VKORC1: variants seen among roughly 807,000 people sequenced by gnomAD.
The protein encoded by VKORC1 is phylloquinone epoxide reductase.
A neutral mutation model predicts 14.8 loss-of-function variants in VKORC1; 12 were observed. The ratio of observed to expected loss-of-function variants is 0.81; its 90% CI spans 0.52 to 1.31. The LOEUF is 1.31. Ranked by LOEUF, VKORC1 falls within the 50% of genes most tolerant of loss-of-function variation. The pLI is 0.00. For missense variants in VKORC1, 223 were observed against 215.3 expected (o/e 1.04, Z -0.22); for synonymous variants, 94 against 92.5 (o/e 1.02, Z -0.09).
In VKORC1 at chr16:31,093,578, G is replaced by A. The variant is rs1168282772; in HGVS notation, c.174-157C>T. 12 of 1,520,398 alleles carry A rather than the reference G, an allele frequency of 7.9e-6. No homozygotes were observed. In the African/African-American group the frequency reaches 9.6e-5, roughly 12 times the overall value. The allele number at this position is 1,520,398 out of a possible 1,614,324, so 94.2% of individuals were successfully genotyped here. The stretch of plus-strand genomic sequence containing the variant: ...CAAGGGTCGATGATCTCCTGGCACC[G>A]GGCACCTTTGGCCACGTCAGGATTC... On this transcript the variant is annotated intron_variant, in intron 1 of 2. Coordinates refer to ENST00000394975, the MANE Select transcript of VKORC1 (RefSeq NM_024006.6).
At chr16:31,092,050 C>T (rs939011453) in intron 2 of VKORC1, among the ~76,000 whole-genome samples, 9 of 151,674 alleles carry the variant, frequency 5.9e-5, no homozygotes, top group Admixed American at 3.9e-4. Context: ...TGGTGACACG[C>T]GCCTGTAGTC....
At chr16:31,093,696 T>C (rs2057305714) in intron 1 of VKORC1, 2 of 304,600 alleles carry the variant, frequency 6.6e-6, no homozygotes, top group African/African-American at 3.1e-5. Flanking sequence ...CTTAAGTAAG[T>C]CTCTTTTTTT....
intron 1 of VKORC1, chr16:31,094,128 A>T (rs1311659426): frequency 6.6e-7 from 1 of 1,521,148 alleles, no homozygotes; most frequent in Non-Finnish European, 8.8e-7. Flanking sequence ...CTGGCCACTC[A>T]CTCGCCTCCT....
At chr16:31,092,761 TTGG>T in intron 2 of VKORC1, 2 of 1,279,666 alleles carry the variant, frequency 1.6e-6, no homozygotes, top group Non-Finnish European at 2.0e-6. Flanking sequence ...AACTGGGGTG[TTGG>T]TGGGGCATGG....
intron 2 of VKORC1, among the ~76,000 whole-genome samples, chr16:31,092,075 G>A (rs2057293512): frequency 6.6e-6 from 1 of 151,036 alleles, no homozygotes. Flanking sequence ...CTACTCAGGA[G>A]GCTGAGGCAG....
chr16:31,092,072 G>A (rs1466209004), intron 2 of VKORC1, among the ~76,000 whole-genome samples: 1 of 151,392 alleles, frequency 6.6e-6, no homozygotes, highest in Non-Finnish European at 1.5e-5. Context: ...CAGCTACTCA[G>A]GAGGCTGAGG....
chr16:31,092,892 A>C, intron 2 of VKORC1: 1 of 681,076 alleles, frequency 1.5e-6, no homozygotes, highest in Non-Finnish European at 2.1e-6. Flanking sequence ...AAAAACAAAA[A>C]TTAGCTGGGC....
chr16:31,093,070 A>G (rs2057300198), intron 2 of VKORC1, among the ~76,000 whole-genome samples: 1 of 151,916 alleles, frequency 6.6e-6, no homozygotes, highest in South Asian at 2.1e-4. Context: ...AAACAACAAC[A>G]AACAAAAAAC....
At chr16:31,094,520 T>G (rs1209206747) in intron 1 of VKORC1, 37 bp downstream of exon 1, 1 of 1,612,436 alleles carries the variant, frequency 6.2e-7, no homozygotes, top group Non-Finnish European at 8.5e-7. Flanking sequence ...CTGGCCGCCC[T>G]GCTCCGAGGC....
In VKORC1 at chr16:31,094,753, G is replaced by T. The variant is rs1479278536; in HGVS notation, c.-24C>A. On this transcript the variant is annotated 5_prime_UTR_variant, in exon 1 of 3. Transcript: ENST00000394975. Reference sequence around the variant, plus strand: ...ATTATCTCCAGGTTCCGCCCGAGGCGCCCGCGGAGAAAACCAGCCACGGAG... The same window carrying T: ...ATTATCTCCAGGTTCCGCCCGAGGCTCCCGCGGAGAAAACCAGCCACGGAG... 1.9e-6 allele frequency: 3 copies of T among 1,579,134 alleles called. No homozygotes were observed. The highest frequency in any genetic ancestry group is 1.1e-5 in the South Asian group (1 of 87,656).
intron 1 of VKORC1, 163 bp from the exon 2 acceptor site, chr16:31,093,584 C>T: frequency 6.6e-7 from 1 of 1,513,990 alleles, no homozygotes; most frequent in Admixed American, 2.0e-5. Context: ...CACCGGGCAC[C>T]TTTGGCCACG....
rs1346449851 is a variant in VKORC1, at chr16:31,091,123, G to C, written c.*11C>G. 3.7e-6 allele frequency: 6 copies of C among 1,612,888 alleles called. No homozygotes were observed. Among genetic ancestry groups the C allele is most frequent in the Non-Finnish European group, 5.1e-6 (6 of 1,179,984 alleles). On this transcript the variant is annotated 3_prime_UTR_variant, in exon 3 of 3. Transcript: ENST00000394975. ...AAAGCAGATGAGGTCAGCCTGGCTTGGGTTGAGGGCTCAGTGCCTCTTAGC... is the reference window on the plus strand; with the variant it reads ...AAAGCAGATGAGGTCAGCCTGGCTTCGGTTGAGGGCTCAGTGCCTCTTAGC...
At chr16:31,094,480 T>C in intron 1 of VKORC1, 77 bp downstream of exon 1, 1 of 1,612,776 alleles carries the variant, frequency 6.2e-7, no homozygotes, top group Non-Finnish European at 8.5e-7. Flanking sequence ...GGCACACCGA[T>C]CCCAGACTCC....
intron 2 of VKORC1, among the ~76,000 whole-genome samples, chr16:31,091,974 T>C (rs1202292009): frequency 6.6e-6 from 1 of 151,892 alleles, no homozygotes. Context: ...GGTCAAGAGA[T>C]TGAGACCATC....
chr16:31,094,258 C>G lies in VKORC1; in HGVS notation c.173+299G>C, dbSNP rs2057312224. 6 of 1,612,224 alleles carry G rather than the reference C, an allele frequency of 3.7e-6. No individual in the cohort carries two copies. The African/African-American group carries it at 5.3e-5, about 14-fold the overall frequency. On this transcript the variant is annotated intron_variant, in intron 1 of 2. Coordinates refer to ENST00000394975, the MANE Select transcript of VKORC1 (RefSeq NM_024006.6). ...ACCTGCGCGCCGTCCTTGAGACCAT[C>G]GTCAATCTCTACCGCCATCCTGCCT...
chr16:31,091,876 G>C (rs527881493), intron 2 of VKORC1, among the ~76,000 whole-genome samples: 1 of 151,332 alleles, frequency 6.6e-6, no homozygotes, highest in Non-Finnish European at 1.5e-5. Context: ...GCAAGAGCAA[G>C]ACTTCGTCTC....
chr16:31,090,999 G>A lies in VKORC1; in HGVS notation c.*135C>T, dbSNP rs2057284622. ...TGGCACATTTGGTCCATTGTCATGT[G>A]CGGGTATGGCAGGAGGAGGGGGTAA... On this transcript the variant is annotated 3_prime_UTR_variant, in exon 3 of 3. Coordinates refer to ENST00000394975, the MANE Select transcript of VKORC1 (RefSeq NM_024006.6). 1 of 1,428,132 alleles carries A rather than the reference G, an allele frequency of 7.0e-7. No individual in the cohort carries two copies. The highest frequency in any genetic ancestry group is 1.4e-5 in the African/African-American group (1 of 70,574). 88.5% of individuals were successfully genotyped at this position (1,428,132 alleles called of 1,614,324 possible).
intron 2 of VKORC1, among the ~76,000 whole-genome samples, chr16:31,092,117 G>A (rs1023078924): frequency 2.8e-5 from 4 of 142,634 alleles, no homozygotes; most frequent in African/African-American, 1.0e-4. Context: ...GGCAGAGGTT[G>A]CAGTGAGCCA....
intron 2 of VKORC1, 55 bp from the exon 3 acceptor site, chr16:31,091,397 C>G: frequency 6.3e-7 from 1 of 1,576,278 alleles, no homozygotes; most frequent in Non-Finnish European, 8.6e-7. Flanking sequence ...ACCTCCCGAA[C>G]ACTCCATGAT....
Sources: allele counts gnomAD v4.1 joint callset (sites outside exome capture counted in the v4.1 genomes callset), GRCh38; gene constraint gnomAD v4.1.1; transcripts MANE v1.5; gene names NCBI Gene and HGNC (gene_info 2026-07-23, HGNC 2026-07-21).